PAK3: variants seen among roughly 807,000 people sequenced by gnomAD.
PAK3 encodes the protein serine/threonine-protein kinase PAK 3.
In PAK3, 4 loss-of-function variants were observed where a neutral mutation model predicts 41.0. The ratio of observed to expected loss-of-function variants is 0.10; its 90% confidence interval spans 0.05 to 0.22. PAK3 has a LOEUF of 0.22. Among genes scored for constraint, PAK3 ranks in the 10% least tolerant of loss-of-function variants. The probability of loss-of-function intolerance (pLI) is 1.00; values close to 1 mark genes in which losing one functional copy is unlikely to be tolerated. For missense variants in PAK3, 205 were observed against 409.9 expected (o/e 0.50, Z 4.32); for synonymous variants, 146 against 139.6 (o/e 1.05, Z -0.32).
intron 1 of PAK3, among the ~76,000 whole-genome samples, chrX:110,991,743 A>C (rs777851459): frequency 1.8e-5 from 2 of 111,765 alleles, no homozygotes; most frequent in South Asian, 7.6e-4. Flanking sequence ...TTGGTTCTTA[A>C]ATTTAAAATT....
intron 4 of PAK3, among the ~76,000 whole-genome samples, chrX:111,112,797 T>G (rs1328178284): frequency 8.9e-6 from 1 of 111,738 alleles, no homozygotes. Flanking sequence ...CCCCCCAAAT[T>G]AAGTCTGCCT....
At chrX:111,139,230 G>T in intron 5 of PAK3, among the ~76,000 whole-genome samples, 1 of 111,039 alleles carries the variant, frequency 9.0e-6, no homozygotes, top group Non-Finnish European at 1.9e-5. Context: ...ATGACTCCCA[G>T]ATTCTTGGTT....
At position 110,974,479 on chromosome X, in the gene PAK3, AC is replaced by A. The variant is rs777673881; in HGVS notation, c.-28+29853del. 1.7e-4 allele frequency among the ~76,000 whole-genome samples: 19 copies of A among 111,472 alleles called. No individual in the cohort carries two copies. In the Admixed American group the frequency reaches 1.8e-3, roughly 11 times the overall value. ...TGAGGCAATAATTAATATCCTACCA[AC>A]CTAAAAAAGTCCAGGACCAGATGGA... On this transcript the variant is annotated intron_variant, in intron 1 of 14. Coordinates refer to the PAK3 transcript ENST00000425146.
chrX:111,020,024 T>TA (rs1031280134), intron 1 of PAK3, among the ~76,000 whole-genome samples: 1 of 111,842 alleles, frequency 8.9e-6, no homozygotes, highest in Non-Finnish European at 1.9e-5. Flanking sequence ...CTTTAAAAAT[T>TA]AAAAATAGAA....
intron 1 of PAK3, among the ~76,000 whole-genome samples, chrX:111,083,229 T>C (rs2092849678): frequency 8.9e-6 from 1 of 112,249 alleles, no homozygotes; most frequent in Admixed American, 9.4e-5. Flanking sequence ...CTTTTTACTT[T>C]CCTTTCCCAT....
chrX:111,222,606 A>AT lies in PAK3; in HGVS notation c.*2164dup, dbSNP rs1569477019. 8.9e-6 allele frequency: 1 copy of AT among 112,153 alleles called. No homozygotes were observed. Among genetic ancestry groups the AT allele is most frequent in the African/African-American group, 3.2e-5 (1 of 30,856 alleles). 9.2% of individuals were successfully genotyped at this position (112,153 alleles called of 1,213,427 possible). A position where few individuals can be genotyped will look rare whatever the true frequency, so the allele number is the denominator to read the frequency against. On this transcript the variant is annotated 3_prime_UTR_variant, in exon 18 of 18. Transcript: ENST00000372007. Reference sequence around the variant, plus strand: ...CATTTAAAAATAAGTACTTTAAAAAATTTTTCACTCATAGTGCCGGGAAAT... The same window carrying AT: ...CATTTAAAAATAAGTACTTTAAAAAATTTTTTCACTCATAGTGCCGGGAAAT...
chrX:111,120,290 A>C (rs1456248208), intron 4 of PAK3, among the ~76,000 whole-genome samples: 2 of 111,807 alleles, frequency 1.8e-5, no homozygotes, highest in Non-Finnish European at 3.8e-5. Context: ...TTTTTAGTGC[A>C]ATATAGAAGA....
At chrX:111,125,319 G>A (rs951725521) in intron 5 of PAK3, among the ~76,000 whole-genome samples, 2 of 111,264 alleles carry the variant, frequency 1.8e-5, no homozygotes, top group African/African-American at 6.5e-5. Context: ...ACCTATGGAT[G>A]AGGATGAAAA....
At chrX:111,031,692 C>A (rs900449046) in intron 1 of PAK3, among the ~76,000 whole-genome samples, 3 of 111,643 alleles carry the variant, frequency 2.7e-5, no homozygotes, top group African/African-American at 6.5e-5. Context: ...ACTATCGCAA[C>A]CTCATTTTCA....
chrX:111,088,363 G>A (rs1466498183), intron 1 of PAK3, among the ~76,000 whole-genome samples: 1 of 111,975 alleles, frequency 8.9e-6, no homozygotes, highest in Non-Finnish European at 1.9e-5. Context: ...TTGAAGGCCA[G>A]CGGTTTAATT....
chrX:111,118,651 T>A (rs1569354945), intron 4 of PAK3, among the ~76,000 whole-genome samples: 1 of 111,031 alleles, frequency 9.0e-6, no homozygotes, highest in East Asian at 2.8e-4. Flanking sequence ...GTTTGTTAGA[T>A]CATGACTGTA....
intron 10 of PAK3, among the ~76,000 whole-genome samples, chrX:111,165,068 C>T (rs1391456171): frequency 9.0e-6 from 1 of 111,259 alleles, no homozygotes; most frequent in African/African-American, 3.3e-5. Flanking sequence ...GCTTCTAAAA[C>T]CCCAACAGTG....
In PAK3 at chrX:111,039,687, G is replaced by A. The variant is rs112681225; in HGVS notation, c.-27-83390G>A. The stretch of plus-strand genomic sequence containing the variant: ...TAGGGCAGAAATGATTTTTTACTTG[G>A]AGAATCAGACTAGATTGTAGCCCAC... On this transcript the variant is annotated intron_variant, in intron 1 of 14. Transcript: ENST00000425146. Among the ~76,000 whole-genome samples the A allele has an allele frequency of 6.5e-4, 72 of 111,474 alleles. No homozygotes were observed. The Middle Eastern group carries it at 0.014, about 21-fold the overall frequency.
chrX:111,178,153 C>A (rs922870809), intron 11 of PAK3, among the ~76,000 whole-genome samples: 5 of 110,746 alleles, frequency 4.5e-5, no homozygotes, highest in African/African-American at 1.3e-4. Flanking sequence ...AACACCTACC[C>A]CCAATAATGT....
chrX:110,988,221 C>T (rs1351422477), intron 1 of PAK3, among the ~76,000 whole-genome samples: 2 of 111,714 alleles, frequency 1.8e-5, no homozygotes, highest in African/African-American at 3.3e-5. Context: ...AAGGACTCCA[C>T]GGTATTCTGA....
At chrX:110,951,516 C>T (rs943809335) in intron 1 of PAK3, among the ~76,000 whole-genome samples, 1 of 111,927 alleles carries the variant, frequency 8.9e-6, no homozygotes, top group Non-Finnish European at 1.9e-5. Flanking sequence ...TAGCAAGTTA[C>T]ACTCCAACTA....
At chrX:111,002,136 G>A (rs767458077) in intron 1 of PAK3, among the ~76,000 whole-genome samples, 2 of 111,612 alleles carry the variant, frequency 1.8e-5, no homozygotes, top group Non-Finnish European at 3.8e-5. Flanking sequence ...TTTTTAGAAA[G>A]GACAGCTACC....
In PAK3 at chrX:111,196,641, G is replaced by A. The variant is rs777060013; in HGVS notation, c.1407+1G>A. 1 of 1,159,780 alleles carries A rather than the reference G, an allele frequency of 8.6e-7. No homozygotes were observed. Among genetic ancestry groups the A allele is most frequent in the Non-Finnish European group, 1.2e-6 (1 of 848,253 alleles). On this transcript the variant is annotated splice_donor_variant, in intron 16 of 17. Coordinates refer to ENST00000372007, the MANE Select transcript of PAK3 (RefSeq NM_002578.5). LOFTEE classifies it high-confidence loss of function. ...TTACCTTAATGAAAATCCACTCAGG[G>A]TAAGTCAGAAGAGAAGTCAGGTACT...
Position 111,160,696 on chromosome X carries a change from T to A in PAK3, c.469-2219T>A, listed in dbSNP as rs748026299. Among the ~76,000 whole-genome samples, 224 of 109,609 alleles carry A rather than the reference T, an allele frequency of 2.0e-3. 2 individuals are homozygous for A. The highest frequency in any genetic ancestry group is 7.1e-3 in the African/African-American group (213 of 30,181). On this transcript the variant is annotated intron_variant, in intron 8 of 17. Transcript: ENST00000372007. ...GTGTTCTCATTGTTCAATTCCCACC[T>A]ATGAGTGAGAACATGTGGTGTTTGG...
Sources: allele counts gnomAD v4.1 joint callset (sites outside exome capture counted in the v4.1 genomes callset), GRCh38; gene constraint gnomAD v4.1.1; transcripts MANE v1.5; gene names NCBI Gene and HGNC (gene_info 2026-07-23, HGNC 2026-07-21).